CACNB2: variants seen among roughly 807,000 people sequenced by gnomAD.
CACNB2 encodes the protein voltage-dependent L-type calcium channel subunit beta-2.
Under a neutral mutation model 73.3 loss-of-function variants are expected in CACNB2, and 42 were observed. The ratio of observed to expected loss-of-function variants is 0.57; its 90% CI spans 0.45 to 0.74. The LOEUF is 0.74. CACNB2 is among the 30% of genes least tolerant of loss of function. CACNB2 has a pLI of 0.00. For missense variants in CACNB2, 940 were observed against 853.0 expected (o/e 1.10, Z -1.27); for synonymous variants, 348 against 310.3 (o/e 1.12, Z -1.28).
chr10:18,318,059 T>C (rs1038854912), intron 2 of CACNB2, among the ~76,000 whole-genome samples: 18 of 152,118 alleles, frequency 1.2e-4, no homozygotes, highest in Non-Finnish European at 2.4e-4. Flanking sequence ...CCAAAGTAAT[T>C]TATAGATTCA....
intron 2 of CACNB2, among the ~76,000 whole-genome samples, chr10:18,305,251 C>A (rs1014198044): frequency 6.6e-6 from 1 of 152,116 alleles, no homozygotes; most frequent in African/African-American, 2.4e-5. Flanking sequence ...TTAAAGCTTA[C>A]ATTATCTATT....
chr10:18,390,614 T>C (rs552719340), intron 2 of CACNB2, among the ~76,000 whole-genome samples: 1 of 152,196 alleles, frequency 6.6e-6, no homozygotes, highest in Admixed American at 6.6e-5. Context: ...TACCCAACAT[T>C]GCTTGAAGAA....
chr10:18,488,250 C>A (rs373902228), intron 3 of CACNB2, among the ~76,000 whole-genome samples: 1 of 150,864 alleles, frequency 6.6e-6, no homozygotes, highest in Non-Finnish European at 1.5e-5. Context: ...CCGAGGTGGG[C>A]GGATCACGAG....
chr10:18,195,599 G>A (rs889488825), intron 2 of CACNB2, among the ~76,000 whole-genome samples: 4 of 152,228 alleles, frequency 2.6e-5, no homozygotes, highest in South Asian at 4.1e-4. Context: ...AGAGAGATGC[G>A]CAGCAATGCT....
intron 2 of CACNB2, among the ~76,000 whole-genome samples, chr10:18,199,874 G>A (rs775886150): frequency 8.6e-5 from 13 of 151,322 alleles, no homozygotes; most frequent in African/African-American, 2.9e-4. Flanking sequence ...GGGAAGAAGC[G>A]GTTGGGATCT....
chr10:18,281,442 A>G (rs1474097941), intron 2 of CACNB2, among the ~76,000 whole-genome samples: 1 of 152,220 alleles, frequency 6.6e-6, no homozygotes, highest in Admixed American at 6.5e-5. Context: ...TAGTAAGACA[A>G]CTAACAAGCC....
At chr10:18,515,937 G>A (rs1411310382) in intron 7 of CACNB2, among the ~76,000 whole-genome samples, 2 of 152,150 alleles carry the variant, frequency 1.3e-5, no homozygotes, top group Non-Finnish European at 2.9e-5. Context: ...AGCAGGCAGG[G>A]CGCAATGGCT....
chr10:18,185,159 T>C (rs1418639841), intron 2 of CACNB2, among the ~76,000 whole-genome samples: 2 of 152,096 alleles, frequency 1.3e-5, no homozygotes, highest in East Asian at 3.9e-4. Context: ...TTTGGTGACC[T>C]TGACGGTTTT....
At chr10:18,295,862 C>T (rs1467102853) in intron 2 of CACNB2, among the ~76,000 whole-genome samples, 1 of 152,114 alleles carries the variant, frequency 6.6e-6, no homozygotes, top group African/African-American at 2.4e-5. Context: ...GACGATGAGA[C>T]ATTGACTCAT....
At chr10:18,419,201 C>G (rs1265179757) in intron 3 of CACNB2, among the ~76,000 whole-genome samples, 1 of 152,212 alleles carries the variant, frequency 6.6e-6, no homozygotes, top group Non-Finnish European at 1.5e-5. Flanking sequence ...CGTACTGTGA[C>G]TTGCTTAATT....
Position 18,460,732 on chromosome 10 carries a change from A to G in CACNB2, c.334-37623A>G, listed in dbSNP as rs921666591. ...GTAGTGAAACCCCATCTCTACAAAAAATACAAAAATTATTATGTATGGTAG... is the reference window on the plus strand; with the variant it reads ...GTAGTGAAACCCCATCTCTACAAAAGATACAAAAATTATTATGTATGGTAG... On this transcript the variant is annotated intron_variant, in intron 3 of 13. Transcript: ENST00000324631. Among the ~76,000 whole-genome samples the G allele has an allele frequency of 2.0e-5, 3 of 151,962 alleles. No homozygotes were observed. In the South Asian group the frequency reaches 6.2e-4, roughly 32 times the overall value.
At chr10:18,188,718 AATC>A (rs1197310103) in intron 2 of CACNB2, among the ~76,000 whole-genome samples, 5 of 152,228 alleles carry the variant, frequency 3.3e-5, no homozygotes, top group African/African-American at 1.2e-4. Context: ...CTTATAATGA[AATC>A]ATCTCGTTAT....
At chr10:18,272,755 G>C (rs2038110527) in intron 2 of CACNB2, among the ~76,000 whole-genome samples, 2 of 152,226 alleles carry the variant, frequency 1.3e-5, no homozygotes, top group Admixed American at 1.3e-4. Context: ...TTCGGCCGTT[G>C]ATTGTGAGGC....
chr10:18,508,172 T>G (rs1589589552), intron 6 of CACNB2, among the ~76,000 whole-genome samples: 1 of 152,302 alleles, frequency 6.6e-6, no homozygotes, highest in African/African-American at 2.4e-5. Context: ...TATAGGACTT[T>G]CAAGTGAGCA....
Position 18,358,527 on chromosome 10 carries a change from TCTCTCTCTCTCTCTCTCTCTCTCTCG to T in CACNB2, c.214-43378_214-43353del, listed in dbSNP as rs1220422587. ...CTCTCTCTCTCTCTCTCTCTCTCTC[TCTCTCTCTCTCTCTCTCTCTCTCTCG>T]CTCTCTCTCTCTCTCTCTGGAACTG... On this transcript the variant is annotated intron_variant, in intron 2 of 13. Coordinates refer to ENST00000324631, the MANE Select transcript of CACNB2 (RefSeq NM_201596.3). Among the ~76,000 whole-genome samples, 314 of 35,238 alleles carry T rather than the reference TCTCTCTCTCTCTCTCTCTCTCTCTCG, an allele frequency of 8.9e-3. 5 individuals carry two copies. Among genetic ancestry groups the T allele is most frequent in the Non-Finnish European group, 0.013 (164 of 12,588 alleles). The allele number at this position is 35,238 out of a possible 152,430, so 23.1% of individuals were successfully genotyped here. A position where few individuals can be genotyped will look rare whatever the true frequency, so the allele number is the denominator to read the frequency against.
intron 1 of CACNB2, among the ~76,000 whole-genome samples, chr10:18,142,987 T>TA (rs2030578912): frequency 6.6e-6 from 1 of 152,258 alleles, no homozygotes; most frequent in Admixed American, 6.5e-5. Context: ...TTACACCAGA[T>TA]ATTTTTGAGA....
At chr10:18,170,523 A>G (rs1038100077) in intron 2 of CACNB2, among the ~76,000 whole-genome samples, 2 of 152,238 alleles carry the variant, frequency 1.3e-5, no homozygotes, top group African/African-American at 4.8e-5. Context: ...CTGGCATCAG[A>G]ACATGCATTC....
At chr10:18,510,806 G>A (rs562704255) in intron 6 of CACNB2, among the ~76,000 whole-genome samples, 23 of 152,248 alleles carry the variant, frequency 1.5e-4, no homozygotes, top group Admixed American at 8.5e-4. Flanking sequence ...TAAAAGATGA[G>A]AAAGATAAAA....
At chr10:18,466,248 A>G (rs1443065694) in intron 3 of CACNB2, among the ~76,000 whole-genome samples, 2 of 151,806 alleles carry the variant, frequency 1.3e-5, no homozygotes, top group East Asian at 1.9e-4. Flanking sequence ...TATATTTTTT[A>G]TTTTTTAGAG....
Sources: gnomAD v4.1 joint callset for allele counts (sites outside exome capture counted in the v4.1 genomes callset) on GRCh38, gnomAD v4.1.1 for gene constraint, MANE v1.5 for transcripts, NCBI Gene and HGNC (gene_info 2026-07-23, HGNC 2026-07-21) for gene names.